Variants in MPPED1 observed in about 807,000 individuals in gnomAD.
The protein encoded by MPPED1 is metallophosphoesterase domain-containing protein 1.
A neutral mutation model predicts 36.2 loss-of-function variants in MPPED1; 16 were observed. That is an observed-to-expected ratio of 0.44 (90% CI 0.30 to 0.67). The LOEUF is 0.67. MPPED1 is among the 30% of genes least tolerant of loss of function. MPPED1 has a pLI of 0.10. For missense variants in MPPED1, 307 were observed against 453.4 expected (o/e 0.68, Z 2.93); for synonymous variants, 199 against 191.3 (o/e 1.04, Z -0.33).
At chr22:43,464,364 C>A (rs1346366530) in intron 3 of MPPED1, among the ~76,000 whole-genome samples, 3 of 150,576 alleles carry the variant, frequency 2.0e-5, no homozygotes, top group African/African-American at 7.3e-5. Flanking sequence ...GATCATGGGG[C>A]CCTGGCCATG....
chr22:43,452,506 G>T (rs5751498), intron 3 of MPPED1, among the ~76,000 whole-genome samples: 1 of 144,532 alleles, frequency 6.9e-6, no homozygotes, highest in South Asian at 2.1e-4. Context: ...GAACTTACTA[G>T]GGCCAAGAAA....
At chr22:43,422,081 C>A (rs984956281) in intron 1 of MPPED1, among the ~76,000 whole-genome samples, 3 of 152,118 alleles carry the variant, frequency 2.0e-5, no homozygotes, top group Non-Finnish European at 4.4e-5. Context: ...CTTCCTGGGA[C>A]CCTGAAATGA....
chr22:43,455,714 A>G (rs1930730612), intron 3 of MPPED1, among the ~76,000 whole-genome samples: 1 of 152,160 alleles, frequency 6.6e-6, no homozygotes, highest in Admixed American at 6.5e-5. Context: ...ACTCAGTGTA[A>G]TTTCTCCATG....
chr22:43,477,340 A>G (rs929973645), intron 4 of MPPED1, among the ~76,000 whole-genome samples: 2 of 152,192 alleles, frequency 1.3e-5, no homozygotes, highest in Admixed American at 6.5e-5. Flanking sequence ...GGCTGGGAGC[A>G]GGTGGTGGAG....
At chr22:43,480,263 C>T (rs1330251749) in intron 4 of MPPED1, among the ~76,000 whole-genome samples, 2 of 152,114 alleles carry the variant, frequency 1.3e-5, no homozygotes, top group African/African-American at 2.4e-5. Context: ...TTGACAAGGG[C>T]CTATAACTAC....
intron 3 of MPPED1, among the ~76,000 whole-genome samples, chr22:43,457,919 C>T (rs1930812242): frequency 6.6e-6 from 1 of 152,170 alleles, no homozygotes; most frequent in Non-Finnish European, 1.5e-5. Flanking sequence ...CTGTCAATGA[C>T]AGACTGCATA....
chr22:43,470,575 A>G (rs1303962227), intron 3 of MPPED1, among the ~76,000 whole-genome samples: 1 of 152,120 alleles, frequency 6.6e-6, no homozygotes, highest in Non-Finnish European at 1.5e-5. Flanking sequence ...CCATCTATAA[A>G]CGATTTATCC....
chr22:43,430,852 AC>A (rs1929652763), intron 2 of MPPED1, among the ~76,000 whole-genome samples: 1 of 151,838 alleles, frequency 6.6e-6, no homozygotes, highest in Non-Finnish European at 1.5e-5. Flanking sequence ...GCATGGACTA[AC>A]TTTTCATTGT....
At chr22:43,501,097 T>C (rs964934304) in intron 5 of MPPED1, among the ~76,000 whole-genome samples, 3 of 152,050 alleles carry the variant, frequency 2.0e-5, no homozygotes, top group Non-Finnish European at 4.4e-5. Context: ...GAAAGGAAGA[T>C]TTTGTCAGCC....
At position 43,498,362 on chromosome 22, in the gene MPPED1, C is replaced by G. The variant is rs897803053; in HGVS notation, c.748+12C>G. The stretch of plus-strand genomic sequence containing the variant: ...TGGACCACCACTGGGTAAGGCTCTG[C>G]TGGCCTGGCCCTCCAGCTCGCCCAT... On this transcript the variant is annotated intron_variant, in intron 5 of 6. Transcript: ENST00000443721. 49 of 1,527,752 alleles carry G rather than the reference C, an allele frequency of 3.2e-5. No homozygotes were observed. The highest frequency in any genetic ancestry group is 4.1e-5 in the Non-Finnish European group (47 of 1,140,576). The allele number at this position is 1,527,752 out of a possible 1,614,324, so 94.6% of individuals were successfully genotyped here.
chr22:43,450,395 TG>T (rs1930522720), intron 3 of MPPED1, among the ~76,000 whole-genome samples: 1 of 152,200 alleles, frequency 6.6e-6, no homozygotes, highest in Non-Finnish European at 1.5e-5. Context: ...GGAGGGCTGT[TG>T]TGAGGATTGA....
intron 3 of MPPED1, among the ~76,000 whole-genome samples, chr22:43,471,044 A>T (rs771118658): frequency 6.6e-6 from 1 of 152,264 alleles, no homozygotes; most frequent in African/African-American, 2.4e-5. Context: ...TGGGAGGGAA[A>T]AAGCCTCAGT....
At chr22:43,478,695 A>T (rs1462614192) in intron 4 of MPPED1, among the ~76,000 whole-genome samples, 1 of 152,108 alleles carries the variant, frequency 6.6e-6, no homozygotes, top group Non-Finnish European at 1.5e-5. Context: ...GAGAGCAGAG[A>T]CTGGGCAGCC....
At chr22:43,478,682 C>T (rs534858027) in intron 4 of MPPED1, among the ~76,000 whole-genome samples, 1 of 152,278 alleles carries the variant, frequency 6.6e-6, no homozygotes, top group Non-Finnish European at 1.5e-5. Context: ...TGGATGACAG[C>T]AAGAGAGCAG....
At chr22:43,458,897 AG>A (rs1415919525) in intron 3 of MPPED1, among the ~76,000 whole-genome samples, 2 of 152,028 alleles carry the variant, frequency 1.3e-5, no homozygotes, top group African/African-American at 4.8e-5. Context: ...GCTGCTACTG[AG>A]GATTATTTGT....
chr22:43,432,559 A>AGAGAGAGAAAGGGAG (rs1569067220), intron 2 of MPPED1, among the ~76,000 whole-genome samples: 2 of 119,922 alleles, frequency 1.7e-5, no homozygotes, highest in East Asian at 2.8e-4. Context: ...AAGGGAGGAG[A>AGAGAGAGAAAGGGAG]GAGAGAGAAA....
In MPPED1 at chr22:43,412,117, G is replaced by C. The variant is rs992655580; in HGVS notation, c.-120G>C. ...CCTGCCTCCCTCGGTGCGCGCTGCT[G>C]CTCGCAGCCGCCGCGGCCGCCGAAG... On this transcript the variant is annotated 5_prime_UTR_variant, in exon 1 of 7. Transcript: ENST00000443721. 1 of 979,510 alleles carries C rather than the reference G, an allele frequency of 1.0e-6. No individual in the cohort carries two copies. The highest frequency in any genetic ancestry group is 1.2e-4 in the East Asian group (1 of 8,652). The allele number at this position is 979,510 out of a possible 1,614,324, so 60.7% of individuals were successfully genotyped here. A position where few individuals can be genotyped will look rare whatever the true frequency, so the allele number is the denominator to read the frequency against.
At chr22:43,484,626 A>G (rs2076666) in intron 4 of MPPED1, among the ~76,000 whole-genome samples, 77,430 of 151,694 alleles carry the variant, frequency 0.51, 19,863 homozygotes, top group South Asian at 0.63. Flanking sequence ...GAGACACGCA[A>G]AGCCATGCGG....
chr22:43,492,895 T>G (rs995736031), intron 4 of MPPED1, among the ~76,000 whole-genome samples: 1 of 152,142 alleles, frequency 6.6e-6, no homozygotes, highest in African/African-American at 2.4e-5. Context: ...GGGGATCGGT[T>G]TCAGCTTTGG....
Sources: gnomAD v4.1 joint callset for allele counts (sites outside exome capture counted in the v4.1 genomes callset) on GRCh38, gnomAD v4.1.1 for gene constraint, MANE v1.5 for transcripts, NCBI Gene and HGNC (gene_info 2026-07-23, HGNC 2026-07-21) for gene names.